Variants in NALCN observed in about 807,000 individuals in gnomAD.
NALCN encodes the protein sodium leak channel, non-selective.
Under a neutral mutation model 225.3 loss-of-function variants are expected in NALCN, and 111 were observed. The ratio of observed to expected loss-of-function variants is 0.49; its 90% confidence interval spans 0.42 to 0.58. The LOEUF is 0.58. Among genes scored for constraint, NALCN ranks in the 20% least tolerant of loss-of-function variants. The probability of loss-of-function intolerance (pLI) is 0.00; values close to 1 mark genes in which losing one functional copy is unlikely to be tolerated. For missense variants in NALCN, 1,378 were observed against 2,202.4 expected, an observed-to-expected ratio of 0.63 and a Z score of 7.49; for synonymous variants, 764 against 769.0, an observed-to-expected ratio of 0.99 and a Z score of 0.11.
chr13:101,346,474 A>T (rs768582482), intron 6 of NALCN, among the ~76,000 whole-genome samples: 12 of 152,252 alleles, frequency 7.9e-5, no homozygotes, highest in Middle Eastern at 3.4e-3. Context: ...TACGAAACTC[A>T]TCAATGATAC....
At chr13:101,375,623 CT>C (rs1232617079) in intron 6 of NALCN, among the ~76,000 whole-genome samples, 1 of 152,072 alleles carries the variant, frequency 6.6e-6, no homozygotes, top group Non-Finnish European at 1.5e-5. Context: ...CTTGTAATCT[CT>C]TTTTGAATTT....
intron 7 of NALCN, among the ~76,000 whole-genome samples, chr13:101,307,686 G>A (rs1377407292): frequency 1.3e-5 from 2 of 152,136 alleles, no homozygotes; most frequent in African/African-American, 4.8e-5. Flanking sequence ...AAAAGGGAAG[G>A]GAGGAGGGGT....
chr13:101,147,782 C>A (rs970670457), intron 15 of NALCN, among the ~76,000 whole-genome samples: 1 of 151,988 alleles, frequency 6.6e-6, no homozygotes, highest in South Asian at 2.1e-4. Context: ...TAGCTCTATC[C>A]CCACACCGGG....
At chr13:101,349,917 A>C (rs180776032) in intron 6 of NALCN, among the ~76,000 whole-genome samples, 1 of 152,314 alleles carries the variant, frequency 6.6e-6, no homozygotes, top group African/African-American at 2.4e-5. Context: ...CATAACAAAC[A>C]GGACCAGCTT....
chr13:101,157,750 C>CTT (rs11322942), intron 15 of NALCN, among the ~76,000 whole-genome samples: 16 of 138,706 alleles, frequency 1.2e-4, no homozygotes, highest in Admixed American at 5.1e-4. Context: ...GGGACATGGT[C>CTT]TTTTTTTTTT....
intron 37 of NALCN, among the ~76,000 whole-genome samples, chr13:101,072,208 G>A (rs1471287707): frequency 4.6e-5 from 7 of 152,200 alleles, no homozygotes; most frequent in Admixed American, 4.6e-4. Context: ...GAGCAAACAT[G>A]CTATTGGAAA....
intron 4 of NALCN, 29 bp from the exon 5 acceptor site, chr13:101,377,085 T>G: frequency 6.2e-7 from 1 of 1,613,768 alleles, no homozygotes; most frequent in Admixed American, 1.7e-5. Flanking sequence ...GTAAATGAGG[T>G]TGGATTTTCC....
chr13:101,102,401 CT>C (rs2034871201), intron 26 of NALCN, among the ~76,000 whole-genome samples: 1 of 152,142 alleles, frequency 6.6e-6, no homozygotes, highest in South Asian at 2.1e-4. Flanking sequence ...ACAGGTAAGT[CT>C]CTAGAAAGCA....
rs187980043 is a variant in NALCN, at chr13:101,340,259, C to T, written c.799+5007G>A. 6.6e-3 allele frequency among the ~76,000 whole-genome samples: 977 copies of T among 148,238 alleles called. 2 individuals carry two copies. Among genetic ancestry groups the T allele is most frequent in the Non-Finnish European group, 8.9e-3 (594 of 66,828 alleles). The stretch of plus-strand genomic sequence containing the variant: ...CTCCAGCTTGGGCGACAGACCGAGA[C>T]TCCATCTCAAACAAACAAACAAACA... On this transcript the variant is annotated intron_variant, in intron 7 of 43. Coordinates refer to ENST00000251127, the MANE Select transcript of NALCN (RefSeq NM_052867.4).
chr13:101,097,053 G>T (rs1436199268), intron 27 of NALCN, among the ~76,000 whole-genome samples: 1 of 152,124 alleles, frequency 6.6e-6, no homozygotes, highest in Non-Finnish European at 1.5e-5. Context: ...GGCTTTCCCT[G>T]TCCTTCTTGG....
chr13:101,345,690 CT>C (rs1287258673), intron 6 of NALCN, among the ~76,000 whole-genome samples: 1 of 137,518 alleles, frequency 7.3e-6, no homozygotes, highest in East Asian at 2.2e-4. Flanking sequence ...ATCTATCTAT[CT>C]ATCTATCTAT....
In NALCN at chr13:101,055,111, T is replaced by C. The variant is rs931513497; in HGVS notation, c.*184A>G. The C allele has an allele frequency of 8.6e-6, 5 of 584,424 alleles. No homozygotes were observed. Among genetic ancestry groups the C allele is most frequent in the Non-Finnish European group, 1.2e-5 (4 of 337,634 alleles). 36.2% of individuals were successfully genotyped at this position (584,424 alleles called of 1,614,324 possible). ...ATACAAAAATTTTTTTGAGCAATGA[T>C]TGATAGTAACCCATCATACATGCAG... On this transcript the variant is annotated 3_prime_UTR_variant, in exon 44 of 44. Transcript: ENST00000251127.
chr13:101,223,448 C>T (rs1036914326), intron 13 of NALCN, among the ~76,000 whole-genome samples: 87 of 152,272 alleles, frequency 5.7e-4, no homozygotes, highest in Non-Finnish European at 1.0e-3. Flanking sequence ...AACCAACAAA[C>T]GAGCCTCTAA....
At chr13:101,270,931 G>T (rs953455404) in intron 10 of NALCN, among the ~76,000 whole-genome samples, 5 of 152,188 alleles carry the variant, frequency 3.3e-5, no homozygotes, top group East Asian at 3.8e-4. Flanking sequence ...CAAATCTTTG[G>T]TGATGGAAAT....
At chr13:101,343,329 A>G (rs2045615923) in intron 7 of NALCN, among the ~76,000 whole-genome samples, 1 of 152,212 alleles carries the variant, frequency 6.6e-6, no homozygotes, top group East Asian at 1.9e-4. Flanking sequence ...TGAATTTGGG[A>G]AAAATAAGCA....
At chr13:101,327,426 C>A (rs2139219239) in intron 7 of NALCN, among the ~76,000 whole-genome samples, 1 of 152,062 alleles carries the variant, frequency 6.6e-6, no homozygotes, top group Non-Finnish European at 1.5e-5. Context: ...ATTTTTTAAG[C>A]AATTTCTTTA....
intron 3 of NALCN, among the ~76,000 whole-genome samples, chr13:101,386,979 T>C (rs1475635582): frequency 6.6e-6 from 1 of 151,668 alleles, no homozygotes; most frequent in African/African-American, 2.4e-5. Context: ...CCCAGCACTT[T>C]GGGAGGCCGA....
At chr13:101,398,675 A>G (rs1594784346) in intron 2 of NALCN, among the ~76,000 whole-genome samples, 1 of 152,282 alleles carries the variant, frequency 6.6e-6, no homozygotes, top group East Asian at 1.9e-4. Context: ...GAACGTTGAC[A>G]ACAAGTAAAG....
At chr13:101,349,496 G>A (rs1195486666) in intron 6 of NALCN, among the ~76,000 whole-genome samples, 3 of 152,156 alleles carry the variant, frequency 2.0e-5, no homozygotes, top group African/African-American at 7.2e-5. Flanking sequence ...GAATTATCCA[G>A]GTGGACCCAA....
Sources: allele counts gnomAD v4.1 joint callset (sites outside exome capture counted in the v4.1 genomes callset), GRCh38; gene constraint gnomAD v4.1.1; transcripts MANE v1.5; gene names NCBI Gene and HGNC (gene_info 2026-07-23, HGNC 2026-07-21).